Variants in PHIP observed in about 807,000 individuals in gnomAD.
The protein encoded by PHIP is PHIP subunit of CUL4-Ring ligase complex, also known as PH-interacting protein.
A neutral mutation model predicts 236.8 loss-of-function variants in PHIP; 54 were observed. The observed-to-expected ratio is 0.23, with a 90% CI of 0.18 to 0.29. The LOEUF (loss-of-function observed/expected upper bound fraction) is 0.29, where lower values mean the gene tolerates loss of function less well. Among genes scored for constraint, PHIP ranks in the 10% least tolerant of loss-of-function variants. The pLI is 1.00. For synonymous variants in PHIP, 756 were observed against 718.9 expected (o/e 1.05, Z -0.83); for missense variants, 1,370 against 2,190.8 (o/e 0.63, Z 7.48).
In PHIP at chr6:78,998,323, G is replaced by A; in HGVS notation, c.1948C>T (p.Leu650=). The change falls in exon 18 of 40, where the codon CTA becomes TTA. Residue 650 remains leucine (L), a synonymous_variant. Transcript: ENST00000275034. ...CGTCTCAGGTCTTGCTCCTGTTGTA[G>A]TCTTTGAATCATGCTGTCCAGTGGG... ...ISPLDSMIQR[L]QQEQDLRRSG... is the part of the protein sequence containing the mutation. 1 of 1,613,200 alleles carries A rather than the reference G, an allele frequency of 6.2e-7. No individual in the cohort carries two copies. Among genetic ancestry groups the A allele is most frequent in the Non-Finnish European group, 8.5e-7 (1 of 1,179,260 alleles).
rs559791748 is a variant in PHIP at position 78,970,493 on chromosome 6, G to A, written c.2997+288C>T. 8.5e-5 allele frequency among the ~76,000 whole-genome samples: 13 copies of A among 152,142 alleles called. No individual in the cohort carries two copies. In the South Asian group the frequency reaches 1.7e-3, roughly 19 times the overall value. ...CTACTGATGACAAATCTAGAAATAC[G>A]CATCAAATTTACGAATACAAAGCTT... On this transcript the variant is annotated intron_variant, in intron 25 of 39. Coordinates refer to ENST00000275034, the MANE Select transcript of PHIP (RefSeq NM_017934.7).
chr6:79,019,718 C>T (rs534004820), intron 9 of PHIP, among the ~76,000 whole-genome samples: 2 of 152,122 alleles, frequency 1.3e-5, no homozygotes, highest in East Asian at 1.9e-4. Flanking sequence ...TTGACTCTTA[C>T]GTCAACTACA....
chr6:79,057,891 A>G (rs1462584549), intron 6 of PHIP, among the ~76,000 whole-genome samples: 3 of 152,154 alleles, frequency 2.0e-5, no homozygotes, highest in Non-Finnish European at 4.4e-5. Flanking sequence ...CCTGTTCATT[A>G]CTTTATAGCG....
chr6:79,020,770 G>A (rs1771079671), intron 9 of PHIP, among the ~76,000 whole-genome samples: 2 of 152,188 alleles, frequency 1.3e-5, no homozygotes, highest in African/African-American at 2.4e-5. Context: ...ACGGAGTCTC[G>A]TTCTGTGGCC....
intron 4 of PHIP, among the ~76,000 whole-genome samples, chr6:79,073,924 G>A (rs1478749100): frequency 6.6e-6 from 1 of 152,066 alleles, no homozygotes. Flanking sequence ...ATGAAATAAA[G>A]CTTAGTTCTT....
At chr6:79,017,672 T>C in intron 10 of PHIP, 89 bp from the exon 11 acceptor site, 1 of 838,892 alleles carries the variant, frequency 1.2e-6, no homozygotes, top group East Asian at 2.6e-5. Context: ...AAAATTACAG[T>C]ATATACTGAA....
At position 78,965,955 on chromosome 6, in the gene PHIP, A is replaced by G; in HGVS notation, c.3307T>C (p.Tyr1103His). The G allele has an allele frequency of 3.8e-6, 6 of 1,599,862 alleles. No individual in the cohort carries two copies. The highest frequency in any genetic ancestry group is 5.1e-6 in the Non-Finnish European group (6 of 1,166,906). Residue 1103 changes from tyrosine to histidine, a missense_variant, in exon 28 of 40, where the codon TAC becomes CAC. Tyr to His is a moderately conservative substitution (Grantham distance 83). Transcript: ENST00000275034. ...CAAATATTTCCTTACCAAACATTGT[A>G]GCATTGAAACAGACTATCAGGGTAC... ...LEYPDSLFQCYNVCWDNGDTE... is the reference protein window; with the variant it reads ...LEYPDSLFQCHNVCWDNGDTE...
chr6:79,021,427 C>T (rs1475783456), intron 9 of PHIP, among the ~76,000 whole-genome samples: 1 of 152,000 alleles, frequency 6.6e-6, no homozygotes, highest in Admixed American at 6.5e-5. Flanking sequence ...GGATCACAGG[C>T]GTGAGCCAAC....
At chr6:79,051,902 C>T (rs182914443) in intron 6 of PHIP, among the ~76,000 whole-genome samples, 19 of 151,148 alleles carry the variant, frequency 1.3e-4, no homozygotes, top group African/African-American at 4.4e-4. Context: ...TTTAAATAAA[C>T]ATTTTTTAAG....
In PHIP at chr6:78,977,580, T is replaced by C. The variant is rs558994671; in HGVS notation, c.2889+1012A>G. Among the ~76,000 whole-genome samples the C allele has an allele frequency of 2.6e-5, 3 of 116,392 alleles. No individual in the cohort carries two copies. The East Asian group carries it at 1.1e-3, about 41-fold the overall frequency. The allele number at this position is 116,392 out of a possible 152,430, so 76.4% of individuals were successfully genotyped here. A position where few individuals can be genotyped will look rare whatever the true frequency, so the allele number is the denominator to read the frequency against. ...CTTTAAATGATGGAATAGTGCTGAATAATGAAGACCTTCAAGCACCAGCAG... is the reference window on the plus strand; with the variant it reads ...CTTTAAATGATGGAATAGTGCTGAACAATGAAGACCTTCAAGCACCAGCAG... On this transcript the variant is annotated intron_variant, in intron 24 of 39. Transcript: ENST00000275034.
chr6:78,991,055 G>T, intron 19 of PHIP, 70 bp from the exon 20 acceptor site: 1 of 905,706 alleles, frequency 1.1e-6, no homozygotes, highest in Non-Finnish European at 1.8e-6. Flanking sequence ...GGAATGTTAG[G>T]TATCAGGAAA....
intron 26 of PHIP, 65 bp from the exon 27 acceptor site, chr6:78,969,982 T>C: frequency 1.9e-6 from 3 of 1,589,150 alleles, no homozygotes; most frequent in Admixed American, 3.4e-5. Context: ...GATGTTCAAA[T>C]GTATCTGAAT....
chr6:78,955,081 T>A (rs1051060123), intron 34 of PHIP, 118 bp from the exon 35 acceptor site: 6 of 892,660 alleles, frequency 6.7e-6, no homozygotes, highest in Non-Finnish European at 9.9e-6. Context: ...AAGAAAATAT[T>A]CACCAAGTTC....
At chr6:78,957,453 T>C (rs1321225599) in intron 32 of PHIP, 5 of 151,912 alleles carry the variant, frequency 3.3e-5, no homozygotes, top group Non-Finnish European at 7.4e-5. Context: ...GCACAAACTT[T>C]ACCTTATTAA....
Position 78,961,604 on chromosome 6 carries a change from A to C in PHIP, c.3656+86T>G, listed in dbSNP as rs1766785077. On this transcript the variant is annotated intron_variant, in intron 31 of 39. Transcript: ENST00000275034. ...CTTATGTGCATTCCTATATACAAAA[A>C]GTTGAGAAACACTGCTAAAGATCAG... The C allele has an allele frequency of 5.8e-6, 8 of 1,371,556 alleles. No homozygotes were observed. In the South Asian group the frequency reaches 9.8e-5, roughly 17 times the overall value. The allele number at this position is 1,371,556 out of a possible 1,614,324, so 85.0% of individuals were successfully genotyped here. A position where few individuals can be genotyped will look rare whatever the true frequency, so the allele number is the denominator to read the frequency against.
chr6:78,977,887 T>G (rs1174708541), intron 24 of PHIP, among the ~76,000 whole-genome samples: 9 of 152,160 alleles, frequency 5.9e-5, no homozygotes, highest in Admixed American at 5.9e-4. Context: ...AAGTGTCAAT[T>G]ACCACTTTAT....
intron 17 of PHIP, among the ~76,000 whole-genome samples, chr6:78,998,890 C>A (rs769157084): frequency 1.3e-5 from 2 of 151,992 alleles, no homozygotes; most frequent in Non-Finnish European, 2.9e-5. Context: ...GTACTGAGAT[C>A]TAGTGGTAAA....
intron 30 of PHIP, 123 bp downstream of exon 30, chr6:78,962,974 A>T: frequency 4.1e-6 from 3 of 732,278 alleles, no homozygotes; most frequent in Non-Finnish European, 6.5e-6. Context: ...GATTCCACTT[A>T]AAATGTCTGA....
Position 79,015,805 on chromosome 6 carries a change from A to G in PHIP, c.1236-22T>C, listed in dbSNP as rs537375094. On this transcript the variant is annotated intron_variant, in intron 13 of 39. Transcript: ENST00000275034. The stretch of plus-strand genomic sequence containing the variant: ...TTGGCTGAAAGTGAGGAAGTGTTTT[A>G]CACTGACTATTAAAATACTGACACA... 1.9e-6 allele frequency: 3 copies of G among 1,583,302 alleles called. No homozygotes were observed. The South Asian group carries it at 3.4e-5, about 18-fold the overall frequency.
Sources: gnomAD v4.1 joint callset for allele counts (sites outside exome capture counted in the v4.1 genomes callset) on GRCh38, gnomAD v4.1.1 for gene constraint, MANE v1.5 for transcripts, NCBI Gene and HGNC (gene_info 2026-07-23, HGNC 2026-07-21) for gene names.